The following SPTB variants were observed in gnomAD, a reference collection of about 807,000 sequenced individuals.
SPTB encodes the protein spectrin beta chain, erythrocytic.
SPTB carries 45 observed loss-of-function variants against 256.2 expected under a neutral mutation model. The observed-to-expected ratio is 0.18, with a 90% CI of 0.14 to 0.23. SPTB has a LOEUF of 0.23. SPTB is among the 10% of genes least tolerant of loss of function. The probability of loss-of-function intolerance (pLI) is 1.00; values close to 1 mark genes in which losing one functional copy is unlikely to be tolerated. For missense variants in SPTB, 2,715 were observed against 3,040.4 expected (o/e 0.89, Z 2.52); for synonymous variants, 1,231 against 1,243.1 (o/e 0.99, Z 0.21).
At chr14:64,791,917 G>A in intron 14 of SPTB, 61 bp from the exon 15 acceptor site, 1 of 1,607,604 alleles carries the variant, frequency 6.2e-7, no homozygotes, top group Admixed American at 1.7e-5. Flanking sequence ...TTCCTTGCCA[G>A]TGGCACCCCC....
chr14:64,753,668 A>G lies in SPTB; in HGVS notation c.6471T>C (p.Asp2157=). ...PTTEPLFKVL[D]TPLSEGDEPA... is the part of the protein sequence containing the mutation. ...GCTCATCACCCTCGCTCAGAGGCGT[A>G]TCTAGGACCTTAAAGAGGGGCTCCG... Residue 2157 remains aspartate, a synonymous_variant, in exon 33 of 36, where the codon GAT becomes GAC. Transcript: ENST00000644917. 6.2e-7 allele frequency: 1 copy of G among 1,613,708 alleles called. No homozygotes were observed. The highest frequency in any genetic ancestry group is 8.5e-7 in the Non-Finnish European group (1 of 1,180,014).
At chr14:64,840,932 G>T (rs2083596446) in intron 1 of SPTB, among the ~76,000 whole-genome samples, 1 of 152,204 alleles carries the variant, frequency 6.6e-6, no homozygotes, top group African/African-American at 2.4e-5. Context: ...TTATATATGT[G>T]TTCCTTAGCC....
At chr14:64,788,286 T>G (rs894197853) in intron 15 of SPTB, among the ~76,000 whole-genome samples, 1 of 152,170 alleles carries the variant, frequency 6.6e-6, no homozygotes, top group Admixed American at 6.5e-5. Context: ...GTCTCATTCA[T>G]CTTTGTACCC....
chr14:64,766,331 T>TGCTA lies in SPTB; in HGVS notation c.6345+394_6345+395insTAGC, dbSNP rs371431692. 1,352 of 1,163,386 alleles carry TGCTA rather than the reference T, an allele frequency of 1.2e-3. 9 individuals are homozygous for TGCTA. The African/African-American group carries it at 0.02, about 17-fold the overall frequency. 72.1% of individuals were successfully genotyped at this position (1,163,386 alleles called of 1,614,324 possible). A position where few individuals can be genotyped will look rare whatever the true frequency, so the allele number is the denominator to read the frequency against. ...AGGTGTGGGTGCAGGGGGTGAGTACTGCCTAGAGGAAGGAGTTGGAAAATG... is the reference window on the plus strand; with the variant it reads ...AGGTGTGGGTGCAGGGGGTGAGTACTGCTAGCCTAGAGGAAGGAGTTGGAAAATG... On this transcript the variant is annotated intron_variant, in intron 32 of 35. Transcript: ENST00000644917.
At chr14:64,788,008 T>C (rs1291359665) in intron 15 of SPTB, among the ~76,000 whole-genome samples, 2 of 152,264 alleles carry the variant, frequency 1.3e-5, no homozygotes, top group Non-Finnish European at 2.9e-5. Context: ...TATTGGCCTT[T>C]GGGAGAATAT....
rs1271903441 is a variant in SPTB at position 64,790,988 on chromosome 14, C to T, written c.2804+731G>A. 1.3e-5 allele frequency among the ~76,000 whole-genome samples: 2 copies of T among 152,210 alleles called. No individual in the cohort carries two copies. Among genetic ancestry groups the T allele is most frequent in the Non-Finnish European group, 2.9e-5 (2 of 68,040 alleles). On this transcript the variant is annotated intron_variant, in intron 15 of 35. Coordinates refer to ENST00000644917, the MANE Select transcript of SPTB (RefSeq NM_001355436.2). This position sits in a 1 kb window ranked among gnomAD's most constrained non-coding sequence, Gnocchi z 4.8. ...TTATCGATACTGCATTTGGCAGAGGCAGGAGCATTATTTTATGGACAGTAC... is the reference window on the plus strand; with the variant it reads ...TTATCGATACTGCATTTGGCAGAGGTAGGAGCATTATTTTATGGACAGTAC...
chr14:64,858,067 A>C (rs906333485), intron 1 of SPTB, among the ~76,000 whole-genome samples: 1 of 152,242 alleles, frequency 6.6e-6, no homozygotes, highest in Admixed American at 6.5e-5. Context: ...CAGAAAGATT[A>C]AATTACCTGC....
At chr14:64,754,636 C>T (rs1306327716) in intron 32 of SPTB, 2 of 152,812 alleles carry the variant, frequency 1.3e-5, no homozygotes, top group Non-Finnish European at 2.9e-5. Context: ...CTGCTGTGGT[C>T]TTTACCTCCC....
intron 32 of SPTB, 132 bp from the exon 33 acceptor site, chr14:64,753,925 C>T: frequency 8.6e-7 from 1 of 1,159,350 alleles, no homozygotes; most frequent in Non-Finnish European, 1.2e-6. Context: ...ACTCCCACCT[C>T]CTGGCCCACC....
At position 64,847,541 on chromosome 14, in the gene SPTB, C is replaced by G. The variant is rs1338312647; in HGVS notation, c.-51-24396G>C. On this transcript the variant is annotated intron_variant, in intron 1 of 35. Coordinates refer to ENST00000644917, the MANE Select transcript of SPTB (RefSeq NM_001355436.2). The surrounding 1 kb of genome is among the most constrained non-coding windows in gnomAD (Gnocchi z 5.9). ...CTTTCAAGCTACATTGGCTTTGGAT[C>G]AGAACGTCAACTCAGAAGAAGAAAT... 6.6e-6 allele frequency among the ~76,000 whole-genome samples: 1 copy of G among 152,120 alleles called. No individual in the cohort carries two copies. Among genetic ancestry groups the G allele is most frequent in the Non-Finnish European group, 1.5e-5 (1 of 68,036 alleles).
rs772761835 is a variant in SPTB at position 64,772,878 on chromosome 14, G to T, written c.5255C>A (p.Ala1752Asp). ...IGQERVDNVN[A>D]FIERLIDAGH... ...CGCGTCGATGAGTCGCTCGATGAAG[G>T]CATTCACATTGTCCACCCGCTCCTG... Residue 1752 changes from alanine (A) to aspartate (D), a missense_variant, in exon 26 of 36, where the codon GCC becomes GAC. Around this residue, in one of 4 missense-constraint regions of SPTB, gnomAD observed 2,239 missense variants for 2,384.4 expected, o/e 0.94. Transcript: ENST00000644917. The surrounding 1 kb of genome is among the most constrained non-coding windows in gnomAD (Gnocchi z 5.4). 9.9e-6 allele frequency: 16 copies of T among 1,609,258 alleles called. No homozygotes were observed. Among genetic ancestry groups the T allele is most frequent in the Non-Finnish European group, 1.3e-5 (15 of 1,176,714 alleles).
intron 19 of SPTB, 145 bp from the exon 20 acceptor site, chr14:64,782,698 T>C: frequency 2.4e-6 from 3 of 1,258,580 alleles, no homozygotes; most frequent in Admixed American, 4.2e-5. Context: ...TCAACTGAAA[T>C]GAACTCTGAA....
rs2082077831 is a variant in SPTB at position 64,760,455 on chromosome 14, T to A, written c.6345+6271A>T. On this transcript the variant is annotated intron_variant, in intron 32 of 35. Transcript: ENST00000644917. This position sits in a 1 kb window ranked among gnomAD's most constrained non-coding sequence, Gnocchi z 4.3. ...GGACCACAGGGTGTTTCAGAGGTTC[T>A]GAAGATGCTCAGAGAACCCGGATGC... 6.6e-6 allele frequency among the ~76,000 whole-genome samples: 1 copy of A among 152,162 alleles called. No individual in the cohort carries two copies. The highest frequency in any genetic ancestry group is 2.4e-5 in the African/African-American group (1 of 41,436).
chr14:64,762,989 T>C (rs2082115871), intron 32 of SPTB, among the ~76,000 whole-genome samples: 1 of 152,200 alleles, frequency 6.6e-6, no homozygotes, highest in Non-Finnish European at 1.5e-5. Flanking sequence ...TCAGAGCAGT[T>C]CACACTTCAC....
rs1466446911 is a variant in SPTB, at chr14:64,806,630, T to G, written c.149-1540A>C. Among the ~76,000 whole-genome samples the G allele has an allele frequency of 2.0e-5, 3 of 152,210 alleles. No individual in the cohort carries two copies. The highest frequency in any genetic ancestry group is 4.4e-5 in the Non-Finnish European group (3 of 68,036). ...TCCGGCTTCATGGCTATTTTGGTAT[T>G]AGGAACTCAGACCCTTGATTCTTCT... On this transcript the variant is annotated intron_variant, in intron 2 of 35. Coordinates refer to ENST00000644917, the MANE Select transcript of SPTB (RefSeq NM_001355436.2). This position sits in a 1 kb window ranked among gnomAD's most constrained non-coding sequence, Gnocchi z 4.1.
At chr14:64,808,333 T>C (rs761501593) in intron 2 of SPTB, among the ~76,000 whole-genome samples, 1 of 152,126 alleles carries the variant, frequency 6.6e-6, no homozygotes, top group Non-Finnish European at 1.5e-5. Context: ...TTTCTTTCCC[T>C]TTCCTTCCCG....
Position 64,772,456 on chromosome 14 carries a change from T to G in SPTB, c.5553+124A>C. ...CTGCTCCCAGCCCTGAGCTCCTGGC[T>G]GTCTAAGGAGGCAAAACCTCCTGGC... is the stretch of plus-strand genomic sequence containing the variant. On this transcript the variant is annotated intron_variant, in intron 26 of 35. Transcript: ENST00000644917. This position sits in a 1 kb window ranked among gnomAD's most constrained non-coding sequence, Gnocchi z 5.4. 7.5e-7 allele frequency: 1 copy of G among 1,329,940 alleles called. No homozygotes were observed. The highest frequency in any genetic ancestry group is 1.4e-5 in the South Asian group (1 of 71,970). 82.4% of individuals were successfully genotyped at this position (1,329,940 alleles called of 1,614,324 possible).
intron 1 of SPTB, among the ~76,000 whole-genome samples, chr14:64,877,079 C>G (rs977114185): frequency 1.3e-5 from 2 of 151,842 alleles, no homozygotes; most frequent in African/African-American, 2.4e-5. Flanking sequence ...ATCCTCTGTC[C>G]TATCACACTG....
intron 27 of SPTB, among the ~76,000 whole-genome samples, 156 bp from the exon 28 acceptor site, chr14:64,769,884 G>C (rs1419748456): frequency 6.6e-6 from 1 of 152,180 alleles, no homozygotes. Context: ...CGCCAGCCCA[G>C]CCCCAGCAGG....
Sources: allele counts gnomAD v4.1 joint callset (sites outside exome capture counted in the v4.1 genomes callset), GRCh38; gene constraint gnomAD v4.1.1; regional missense constraint gnomAD v4.1.1; non-coding constraint Gnocchi (gnomAD v3.1); transcripts MANE v1.5; gene names NCBI Gene and HGNC (gene_info 2026-07-23, HGNC 2026-07-21).